Variants in CHCHD3 observed in about 807,000 individuals in gnomAD.
CHCHD3 encodes MICOS complex subunit MIC19.
A neutral mutation model predicts 38.2 loss-of-function variants in CHCHD3; 20 were observed. That is an observed-to-expected ratio of 0.52 (90% CI 0.37 to 0.76). The LOEUF (loss-of-function observed/expected upper bound fraction) is 0.76. Among genes scored for constraint, CHCHD3 ranks in the 30% least tolerant of loss-of-function variants. CHCHD3 has a pLI of 0.00. For synonymous variants in CHCHD3, 82 were observed against 100.0 expected (o/e 0.82, Z 1.07); for missense variants, 245 against 279.2 (o/e 0.88, Z 0.87).
chr7:132,946,589 T>C lies in CHCHD3; in HGVS notation c.369+28580A>G, dbSNP rs183845473. ...TTATATCCAAAAATGATGAGTCTCCTAGTCTAATTTTATAAAAATATATTC... is the reference window on the plus strand; with the variant it reads ...TTATATCCAAAAATGATGAGTCTCCCAGTCTAATTTTATAAAAATATATTC... On this transcript the variant is annotated intron_variant, in intron 4 of 7. Transcript: ENST00000262570. Among the ~76,000 whole-genome samples, 8 of 151,994 alleles carry C rather than the reference T, an allele frequency of 5.3e-5. No individual in the cohort carries two copies. In the South Asian group the frequency reaches 1.4e-3, roughly 28 times the overall value.
intron 4 of CHCHD3, among the ~76,000 whole-genome samples, chr7:132,955,171 A>AGG (rs1372255569): frequency 2.7e-3 from 63 of 23,530 alleles, no homozygotes; most frequent in Admixed American, 0.013. Context: ...TTTCCCTCAG[A>AGG]GGGTGTGTGT....
rs557678719 is a variant in CHCHD3, at chr7:133,021,353, G to A, written c.251+3193C>T. 4.6e-5 allele frequency among the ~76,000 whole-genome samples: 7 copies of A among 152,240 alleles called. 1 individual carries two copies. Among genetic ancestry groups the A allele is most frequent in the African/African-American group, 1.7e-4 (7 of 41,552 alleles). On this transcript the variant is annotated intron_variant, in intron 3 of 7. Coordinates refer to ENST00000262570, the MANE Select transcript of CHCHD3 (RefSeq NM_017812.4). ...GCATGCAAAGAAATTCAGCCACCCGGCATCCGTTCCCCCTCCTTATGGAAT... is the reference window on the plus strand; with the variant it reads ...GCATGCAAAGAAATTCAGCCACCCGACATCCGTTCCCCCTCCTTATGGAAT...
chr7:133,044,959 C>T (rs780321418), intron 2 of CHCHD3, among the ~76,000 whole-genome samples: 1 of 152,238 alleles, frequency 6.6e-6, no homozygotes, highest in Non-Finnish European at 1.5e-5. Flanking sequence ...ATACTCACTG[C>T]ATGATGCGGG....
rs1005405295 is a variant in CHCHD3, at chr7:133,015,431, A to G, written c.251+9115T>C. Among the ~76,000 whole-genome samples, 26 of 152,146 alleles carry G rather than the reference A, an allele frequency of 1.7e-4. 1 individual carries two copies. The highest frequency in any genetic ancestry group is 1.7e-3 in the Admixed American group (26 of 15,270). ...CAAAAAGAATATTAACTGTAAAGAC[A>G]GGTTCTCAAGACAGCTTGGGCCTAA... On this transcript the variant is annotated intron_variant, in intron 3 of 7. Coordinates refer to ENST00000262570, the MANE Select transcript of CHCHD3 (RefSeq NM_017812.4).
intron 4 of CHCHD3, among the ~76,000 whole-genome samples, chr7:132,907,957 G>T (rs1345651387): frequency 6.6e-6 from 1 of 152,050 alleles, no homozygotes; most frequent in Non-Finnish European, 1.5e-5. Flanking sequence ...CCAGGGAAAT[G>T]TACAAGAATT....
chr7:132,953,213 T>C (rs147943233), intron 4 of CHCHD3, among the ~76,000 whole-genome samples: 38 of 152,294 alleles, frequency 2.5e-4, no homozygotes, highest in African/African-American at 6.3e-4. Context: ...TCTCCAATGC[T>C]GTGAATTTAA....
intron 4 of CHCHD3, among the ~76,000 whole-genome samples, chr7:132,912,558 ATT>A (rs35591619): frequency 1.3e-5 from 2 of 150,054 alleles, no homozygotes; most frequent in Non-Finnish European, 3.0e-5. Flanking sequence ...ATAAGACAGG[ATT>A]TTTTTTTTCT....
chr7:133,018,875 C>CTCT (rs769011540), intron 3 of CHCHD3, among the ~76,000 whole-genome samples: 32 of 70,166 alleles, frequency 4.6e-4, no homozygotes, highest in African/African-American at 1.6e-3. Context: ...CATGATTTCT[C>CTCT]TTTTTTTTTT....
intron 1 of CHCHD3, among the ~76,000 whole-genome samples, chr7:133,072,615 G>A (rs1256047842): frequency 2.0e-5 from 3 of 151,994 alleles, no homozygotes; most frequent in Non-Finnish European, 2.9e-5. Context: ...CGAGGTGGGC[G>A]GATCACGAGG....
intron 3 of CHCHD3, among the ~76,000 whole-genome samples, chr7:133,020,144 T>C (rs1416370766): frequency 1.3e-5 from 2 of 152,216 alleles, no homozygotes; most frequent in East Asian, 3.8e-4. Flanking sequence ...GTGCGGGACA[T>C]GATTGTGGAA....
intron 3 of CHCHD3, among the ~76,000 whole-genome samples, chr7:132,992,037 C>A (rs746236074): frequency 7.2e-5 from 11 of 152,154 alleles, no homozygotes; most frequent in Middle Eastern, 6.3e-3. Flanking sequence ...GCGGGGAAGG[C>A]AAGGTCTCTA....
intron 2 of CHCHD3, among the ~76,000 whole-genome samples, chr7:133,028,612 T>A (rs1275831274): frequency 6.6e-6 from 1 of 151,676 alleles, no homozygotes; most frequent in African/African-American, 2.4e-5. Flanking sequence ...GAAGGCCAGG[T>A]GCGGTGGCTC....
Position 133,081,992 on chromosome 7 carries a change from G to A in CHCHD3, c.-55C>T, listed in dbSNP as rs963905837. 4.1e-6 allele frequency: 6 copies of A among 1,450,130 alleles called. No homozygotes were observed. Among genetic ancestry groups the A allele is most frequent in the South Asian group, 1.4e-5 (1 of 73,782 alleles). The allele number at this position is 1,450,130 out of a possible 1,614,324, so 89.8% of individuals were successfully genotyped here. A position where few individuals can be genotyped will look rare whatever the true frequency, so the allele number is the denominator to read the frequency against. ...AGCGGGGAACCACGAGCACTTCGGGGCCCCCGCACCCACACGCGCGTGGAA... is the reference window on the plus strand; with the variant it reads ...AGCGGGGAACCACGAGCACTTCGGGACCCCCGCACCCACACGCGCGTGGAA... On this transcript the variant is annotated 5_prime_UTR_variant, in exon 1 of 8. Coordinates refer to ENST00000262570, the MANE Select transcript of CHCHD3 (RefSeq NM_017812.4).
intron 5 of CHCHD3, among the ~76,000 whole-genome samples, chr7:132,864,997 T>C (rs1315317208): frequency 6.6e-6 from 1 of 152,184 alleles, no homozygotes; most frequent in East Asian, 1.9e-4. Context: ...TAAAACTTCA[T>C]AGGGTAAAAG....
rs1436938237 is a variant in CHCHD3 at position 132,838,418 on chromosome 7, C to T, written c.505G>A (p.Glu169Lys). Residue 169 changes from glutamate to lysine, a missense_variant, in exon 6 of 8, where the codon GAG becomes AAG. By Grantham distance (56) the Glu-to-Lys change is moderately conservative (BLOSUM62 1). Coordinates refer to ENST00000262570, the MANE Select transcript of CHCHD3 (RefSeq NM_017812.4). The part of the protein sequence containing the change: ...TTEQYQKAAE[E>K]VEAKFKRYES... ...ACTTACTTGAACTTTGCTTCCACCTCTTCAGCAGCTTTCTGATATTGTTCA... is the reference window on the plus strand; with the variant it reads ...ACTTACTTGAACTTTGCTTCCACCTTTTCAGCAGCTTTCTGATATTGTTCA... 6.2e-7 allele frequency: 1 copy of T among 1,612,060 alleles called. No individual in the cohort carries two copies. Among genetic ancestry groups the T allele is most frequent in the Non-Finnish European group, 8.5e-7 (1 of 1,178,650 alleles).
At chr7:132,921,538 G>A (rs1343024939) in intron 4 of CHCHD3, among the ~76,000 whole-genome samples, 1 of 152,072 alleles carries the variant, frequency 6.6e-6, no homozygotes, top group Admixed American at 6.6e-5. Flanking sequence ...TTTGAAGGAG[G>A]TATCAACAAT....
At chr7:132,999,971 T>C (rs1198468217) in intron 3 of CHCHD3, among the ~76,000 whole-genome samples, 4 of 152,320 alleles carry the variant, frequency 2.6e-5, no homozygotes, top group East Asian at 3.9e-4. Context: ...CCATCAAATA[T>C]AGTATCATTC....
At chr7:132,994,193 G>A (rs924982844) in intron 3 of CHCHD3, among the ~76,000 whole-genome samples, 6 of 152,040 alleles carry the variant, frequency 3.9e-5, no homozygotes, top group Non-Finnish European at 5.9e-5. Context: ...ACTATATGAA[G>A]TCTTTCTATA....
chr7:132,967,019 A>G (rs1811482243), intron 4 of CHCHD3, among the ~76,000 whole-genome samples: 1 of 152,130 alleles, frequency 6.6e-6, no homozygotes, highest in African/African-American at 2.4e-5. Context: ...TTGCCTATGG[A>G]CTTTTACGCA....
Sources: allele counts gnomAD v4.1 joint callset (sites outside exome capture counted in the v4.1 genomes callset), GRCh38; gene constraint gnomAD v4.1.1; transcripts MANE v1.5; gene names NCBI Gene and HGNC (gene_info 2026-07-23, HGNC 2026-07-21).